The following PCDH11X variants were observed in gnomAD, a reference collection of about 807,000 sequenced individuals.
PCDH11X encodes the protein protocadherin-11 X-linked.
Under a neutral mutation model 53.3 loss-of-function variants are expected in PCDH11X, and 18 were observed. The observed-to-expected ratio is 0.34, with a 90% CI of 0.23 to 0.50. PCDH11X has a LOEUF of 0.50. PCDH11X is among the 20% of genes least tolerant of loss of function. The pLI, the probability that PCDH11X is intolerant of heterozygous loss-of-function variation, is 0.98. For missense variants in PCDH11X, 570 were observed against 1,032.4 expected (o/e 0.55, Z 6.14); for synonymous variants, 279 against 393.3 (o/e 0.71, Z 3.44).
chrX:91,981,918 A>T (rs778299554), intron 6 of PCDH11X, among the ~76,000 whole-genome samples: 1,875 of 105,924 alleles, frequency 0.018, 35 homozygotes, highest in African/African-American at 0.06. Context: ...CTGCTAAAAA[A>T]CAAATTGAAG....
At chrX:91,931,513 G>A (rs1052790249) in intron 6 of PCDH11X, among the ~76,000 whole-genome samples, 26 of 110,913 alleles carry the variant, frequency 2.3e-4, no homozygotes, top group African/African-American at 8.2e-4. Context: ...CAAAGGATAT[G>A]TGGACACTGA....
At chrX:91,965,388 C>T (rs2147895500) in intron 6 of PCDH11X, among the ~76,000 whole-genome samples, 1 of 110,144 alleles carries the variant, frequency 9.1e-6, no homozygotes, top group South Asian at 3.9e-4. Flanking sequence ...TGCAGGTGGG[C>T]CCTTGAAAAT....
At chrX:92,225,843 T>A (rs1276593864) in intron 7 of PCDH11X, among the ~76,000 whole-genome samples, 2 of 111,883 alleles carry the variant, frequency 1.8e-5, no homozygotes, top group South Asian at 3.7e-4. Flanking sequence ...GCAAAGTATG[T>A]CCTAATCAAC....
At chrX:92,048,039 T>A (rs910662464) in intron 6 of PCDH11X, among the ~76,000 whole-genome samples, 1 of 111,103 alleles carries the variant, frequency 9.0e-6, no homozygotes, top group African/African-American at 3.3e-5. Context: ...AGTAATGACA[T>A]TTGTATCAGC....
rs62621113 is a variant in PCDH11X, at chrX:91,877,697, C to T, written c.1457C>T (p.Thr486Met). The T allele has an allele frequency of 1.1e-5, 13 of 1,209,236 alleles. No homozygotes were observed. Among genetic ancestry groups the T allele is most frequent in the African/African-American group, 1.1e-4 (6 of 56,911 alleles). Residue 486 changes from threonine to methionine, a missense_variant, in exon 6 of 11, where the codon ACG (threonine) becomes ATG (methionine). Coordinates refer to ENST00000682573, the MANE Select transcript of PCDH11X (RefSeq NM_032968.5). Reference protein sequence around the residue: ...PENNSPGIQLTKVSAMDADSG... With the variant: ...PENNSPGIQLMKVSAMDADSG... ...AATAACTCTCCTGGCATCCAGTTGA[C>T]GAAAGTAAGTGCAATGGATGCAGAC... is the stretch of plus-strand genomic sequence containing the variant.
intron 6 of PCDH11X, among the ~76,000 whole-genome samples, chrX:92,081,416 G>A (rs1194277186): frequency 9.1e-6 from 1 of 109,891 alleles, no homozygotes; most frequent in Non-Finnish European, 1.9e-5. Flanking sequence ...TCCACTGAGG[G>A]GAATTCATAT....
Position 92,008,751 on chromosome X carries a change from C to G in PCDH11X, c.3033+129478C>G, listed in dbSNP as rs1176858439. ...TCCCTTGTATATTTCCTGCTCTTTCCAAATTAATATGTTAATTTTTCTTAT... is the reference window on the plus strand; with the variant it reads ...TCCCTTGTATATTTCCTGCTCTTTCGAAATTAATATGTTAATTTTTCTTAT... On this transcript the variant is annotated intron_variant, in intron 6 of 10. Transcript: ENST00000682573. Among the ~76,000 whole-genome samples the G allele has an allele frequency of 5.5e-5, 6 of 109,699 alleles. No homozygotes were observed. The Admixed American group carries it at 5.9e-4, about 11-fold the overall frequency.
intron 6 of PCDH11X, among the ~76,000 whole-genome samples, chrX:91,906,783 C>A (rs1448878155): frequency 9.0e-6 from 1 of 111,309 alleles, no homozygotes; most frequent in African/African-American, 3.3e-5. Context: ...AAATTAATTA[C>A]TTAATTAATT....
At chrX:92,159,140 C>T (rs2065592507) in intron 6 of PCDH11X, among the ~76,000 whole-genome samples, 1 of 110,819 alleles carries the variant, frequency 9.0e-6, no homozygotes, top group South Asian at 3.8e-4. Flanking sequence ...AGTAAAGAAA[C>T]TTTAGCAGGA....
intron 8 of PCDH11X, among the ~76,000 whole-genome samples, chrX:92,275,215 C>T (rs1234881014): frequency 2.7e-4 from 27 of 101,675 alleles, no homozygotes; most frequent in African/African-American, 9.4e-4. Flanking sequence ...AGAAAGGCTA[C>T]AGGGTGTGGT....
intron 8 of PCDH11X, among the ~76,000 whole-genome samples, chrX:92,293,601 C>A (rs1258050106): frequency 2.6e-4 from 25 of 96,744 alleles, no homozygotes; most frequent in Non-Finnish European, 4.1e-4. Flanking sequence ...CCAGCCTGGG[C>A]GACAGAGCGA....
chrX:92,447,278 G>T (rs1313353951), intron 9 of PCDH11X, among the ~76,000 whole-genome samples: 24 of 111,686 alleles, frequency 2.1e-4, no homozygotes, highest in Non-Finnish European at 4.1e-4. Context: ...TGGGGAAAAT[G>T]TCACCAGGGC....
intron 5 of PCDH11X, among the ~76,000 whole-genome samples, chrX:91,857,091 C>T (rs1242531468): frequency 9.0e-6 from 1 of 111,335 alleles, no homozygotes; most frequent in Non-Finnish European, 1.9e-5. Context: ...TTAATTGACT[C>T]ACACAGTTCC....
intron 6 of PCDH11X, among the ~76,000 whole-genome samples, chrX:92,185,039 G>A (rs997147960): frequency 3.6e-5 from 4 of 110,865 alleles, no homozygotes; most frequent in South Asian, 3.8e-4. Flanking sequence ...TCTTAATTTC[G>A]TCATATCGGC....
In PCDH11X at chrX:91,863,520, C is replaced by G. The variant is rs1003031496; in HGVS notation, c.541-13261C>G. ...AGTGAAATGTGTTTCTCATAAGCAA[C>G]AGATCACTGGTTCTCATTTTTTCAT... On this transcript the variant is annotated intron_variant, in intron 5 of 10. Coordinates refer to ENST00000682573, the MANE Select transcript of PCDH11X (RefSeq NM_032968.5). Among the ~76,000 whole-genome samples, 4 of 111,933 alleles carry G rather than the reference C, an allele frequency of 3.6e-5. No homozygotes were observed. In the Admixed American group the frequency reaches 3.8e-4, roughly 11 times the overall value.
chrX:92,067,171 T>G (rs2063621990), intron 6 of PCDH11X, among the ~76,000 whole-genome samples: 1 of 110,964 alleles, frequency 9.0e-6, no homozygotes, highest in African/African-American at 3.3e-5. Flanking sequence ...CTTTTCTGAT[T>G]GCTCTAGCTA....
chrX:92,015,211 C>T (rs2062770196), intron 6 of PCDH11X, among the ~76,000 whole-genome samples: 1 of 111,254 alleles, frequency 9.0e-6, no homozygotes, highest in African/African-American at 3.3e-5. Context: ...TCTTTATTTA[C>T]AGGACACTGT....
chrX:92,534,299 T>C (rs1443146531), intron 10 of PCDH11X, among the ~76,000 whole-genome samples: 1 of 111,016 alleles, frequency 9.0e-6, no homozygotes, highest in East Asian at 2.9e-4. Flanking sequence ...GAAGAAAGGG[T>C]ATTAGTGATT....
At chrX:91,871,053 C>A (rs1428619705) in intron 5 of PCDH11X, among the ~76,000 whole-genome samples, 1 of 110,066 alleles carries the variant, frequency 9.1e-6, no homozygotes, top group East Asian at 2.8e-4. Flanking sequence ...AGTGCATAGA[C>A]TCTAAAAGGT....
Sources: allele counts gnomAD v4.1 joint callset (sites outside exome capture counted in the v4.1 genomes callset), GRCh38; gene constraint gnomAD v4.1.1; transcripts MANE v1.5; gene names NCBI Gene and HGNC (gene_info 2026-07-23, HGNC 2026-07-21).